The following DNTT variants were observed in gnomAD, a reference collection of about 807,000 sequenced individuals.
DNTT encodes nucleosidetriphosphate:DNA deoxynucleotidylexotransferase.
DNTT carries 47 observed loss-of-function variants against 60.9 expected under a neutral mutation model. The observed-to-expected ratio is 0.77, with a 90% CI of 0.61 to 0.98. The LOEUF is 0.98. Ranked by LOEUF, DNTT falls within the 50% of genes least tolerant of loss-of-function variation. The pLI is 0.00. For missense variants in DNTT, 665 were observed against 627.5 expected (o/e 1.06, Z -0.64); for synonymous variants, 224 against 221.2 (o/e 1.01, Z -0.11).
At chr10:96,322,776 T>A in intron 5 of DNTT, 48 bp downstream of exon 5, 1 of 1,466,194 alleles carries the variant, frequency 6.8e-7, no homozygotes. Flanking sequence ...TCAGTTAATC[T>A]TATTACTTAT....
intron 6 of DNTT, among the ~76,000 whole-genome samples, chr10:96,327,124 G>A (rs1377711567): frequency 2.0e-5 from 3 of 152,042 alleles, no homozygotes; most frequent in Non-Finnish European, 4.4e-5. Context: ...ATCTTTATGC[G>A]TTACCTTTTA....
rs747466867 is a variant in DNTT, at chr10:96,335,957, T to G, written c.1426T>G (p.Leu476Val). The G allele has an allele frequency of 3.7e-6, 6 of 1,614,044 alleles. 1 individual carries two copies. The highest frequency in any genetic ancestry group is 3.4e-6 in the Non-Finnish European group (4 of 1,180,016). Residue 476 changes from leucine to valine, a missense_variant, in exon 10 of 11, where the codon TTA (leucine) becomes GTA (valine). Leu to Val is a conservative substitution (Grantham distance 32). Coordinates refer to ENST00000371174, the MANE Select transcript of DNTT (RefSeq NM_004088.4). Reference protein sequence around the residue: ...ERKMILDNHALYDKTKRIFLK... With the variant: ...ERKMILDNHAVYDKTKRIFLK... The stretch of plus-strand genomic sequence containing the variant: ...GAAGATGATTCTGGATAACCATGCT[T>G]TATATGACAAGACCAAGGTACAGTT...
Position 96,307,726 on chromosome 10 carries a change from TATATATAA to T in DNTT, c.203+3027_203+3034del, listed in dbSNP as rs1275011348. 6.2e-4 allele frequency among the ~76,000 whole-genome samples: 88 copies of T among 142,440 alleles called. 1 individual carries two copies. The highest frequency in any genetic ancestry group is 8.9e-4 in the South Asian group (4 of 4,474). The allele number at this position is 142,440 out of a possible 152,430, so 93.4% of individuals were successfully genotyped here. A position where few individuals can be genotyped will look rare whatever the true frequency, so the allele number is the denominator to read the frequency against. ...GTGTGTATATATATATATATATATA[TATATATAA>T]GCATATATATGTGTGTGTGTGTGCA... On this transcript the variant is annotated intron_variant, in intron 1 of 10. Transcript: ENST00000371174.
Position 96,319,270 on chromosome 10 carries a change from A to C in DNTT, c.387A>C (p.Arg129Ser). 1 of 1,613,720 alleles carries C rather than the reference A, an allele frequency of 6.2e-7. No individual in the cohort carries two copies. Among genetic ancestry groups the C allele is most frequent in the African/African-American group, 1.3e-5 (1 of 75,010 alleles). Residue 129 changes from arginine to serine, a missense_variant, in exon 3 of 11, where the codon AGA becomes AGC. Transcript: ENST00000371174. The part of the protein sequence containing the change: ...MTGKHQLVVR[R>S]DYSDSTNPGP... Reference sequence around the variant, plus strand: ...CTTATGCATTTGTTTAGGTGAGAAGAGACTATTCAGATAGCACCAACCCAG... The same window carrying C: ...CTTATGCATTTGTTTAGGTGAGAAGCGACTATTCAGATAGCACCAACCCAG...
At chr10:96,318,265 A>G (rs1026307414) in intron 1 of DNTT, 87 bp from the exon 2 acceptor site, 1 of 1,473,994 alleles carries the variant, frequency 6.8e-7, no homozygotes, top group Non-Finnish European at 9.2e-7. Flanking sequence ...TCTCCATCAG[A>G]TGGAATGCTC....
In DNTT at chr10:96,332,566, C is replaced by T. The variant is rs377118613; in HGVS notation, c.1329C>T (p.Ala443=). 1.4e-5 allele frequency: 22 copies of T among 1,613,176 alleles called. No homozygotes were observed. The highest frequency in any genetic ancestry group is 2.7e-5 in the African/African-American group (2 of 74,628). The change falls in exon 9 of 11, where the codon GCC becomes GCT. Residue 443 remains alanine, a synonymous_variant. Coordinates refer to ENST00000371174, the MANE Select transcript of DNTT (RefSeq NM_004088.4). ...TTCTGTGCCCCTACGAGCGTCGTGC[C>T]TTTGCCCTGTTGGGATGGACTGGCT... ...DLVLCPYERR[A]FALLGWTGSR...
At chr10:96,337,738 G>A (rs1478963081) in intron 10 of DNTT, among the ~76,000 whole-genome samples, 3 of 152,176 alleles carry the variant, frequency 2.0e-5, no homozygotes, top group Non-Finnish European at 4.4e-5. Context: ...ATAACTGCAT[G>A]TTAGAATTAC....
intron 3 of DNTT, among the ~76,000 whole-genome samples, chr10:96,320,105 A>G (rs1419187932): frequency 6.6e-6 from 1 of 152,248 alleles, no homozygotes; most frequent in East Asian, 1.9e-4. Context: ...TGAGCATGAG[A>G]TCACACAGCT....
intron 6 of DNTT, among the ~76,000 whole-genome samples, chr10:96,326,357 A>G (rs1243486628): frequency 6.6e-6 from 1 of 152,250 alleles, no homozygotes; most frequent in African/African-American, 2.4e-5. Context: ...ATTGAAATAA[A>G]GAAAGTAGTG....
At chr10:96,336,085 C>T (rs1282274268) in intron 10 of DNTT, 111 bp downstream of exon 10, 14 of 1,045,954 alleles carry the variant, frequency 1.3e-5, no homozygotes, top group Middle Eastern at 2.0e-4. Context: ...CTTTGTCATG[C>T]GTGTTCTATT....
chr10:96,304,655 T>A lies in DNTT; in HGVS notation c.158T>A (p.Met53Lys), dbSNP rs772621574. 1.9e-6 allele frequency: 3 copies of A among 1,614,152 alleles called. No individual in the cohort carries two copies. Residue 53 changes from methionine to lysine, a missense_variant, in exon 1 of 11, where the codon ATG becomes AAG. Physicochemically the swap from Met to Lys is moderately conservative, Grantham distance 95. Coordinates refer to ENST00000371174, the MANE Select transcript of DNTT (RefSeq NM_004088.4). ...GGAACCACCCGCAGAGCGTTCCTCATGGAGCTGGCCCGCAGGAAAGGGTTC... is the reference window on the plus strand; with the variant it reads ...GGAACCACCCGCAGAGCGTTCCTCAAGGAGCTGGCCCGCAGGAAAGGGTTC... ...KMGTTRRAFL[M>K]ELARRKGFRV...
chr10:96,338,037 C>T, intron 10 of DNTT, 101 bp from the exon 11 acceptor site: 2 of 958,646 alleles, frequency 2.1e-6, no homozygotes, highest in Non-Finnish European at 3.1e-6. Context: ...GGCTGTAATT[C>T]ATTCTGACAA....
At chr10:96,325,127 A>C (rs1283574630) in intron 6 of DNTT, among the ~76,000 whole-genome samples, 1 of 152,206 alleles carries the variant, frequency 6.6e-6, no homozygotes, top group Non-Finnish European at 1.5e-5. Context: ...ATGGCAATAC[A>C]GTGTGAAAAA....
At chr10:96,307,315 T>C (rs1010775493) in intron 1 of DNTT, among the ~76,000 whole-genome samples, 3 of 150,192 alleles carry the variant, frequency 2.0e-5, no homozygotes, top group African/African-American at 7.3e-5. Flanking sequence ...GGAGAGATTA[T>C]GGCTGTTTTT....
intron 5 of DNTT, among the ~76,000 whole-genome samples, chr10:96,323,782 A>C (rs1844907645): frequency 6.6e-6 from 1 of 152,238 alleles, no homozygotes; most frequent in South Asian, 2.1e-4. Flanking sequence ...GAGCAGGAGC[A>C]CAGGCTTGGA....
intron 9 of DNTT, among the ~76,000 whole-genome samples, chr10:96,333,923 A>C (rs999932046): frequency 6.6e-6 from 1 of 152,220 alleles, no homozygotes; most frequent in Non-Finnish European, 1.5e-5. Flanking sequence ...TATGGTGACT[A>C]TAGTTAATAA....
At chr10:96,317,073 G>A (rs1018007307) in intron 1 of DNTT, among the ~76,000 whole-genome samples, 4 of 152,192 alleles carry the variant, frequency 2.6e-5, no homozygotes, top group Non-Finnish European at 5.9e-5. Flanking sequence ...GGTATGCTGT[G>A]TGCTCATGCT....
chr10:96,313,209 T>C (rs1256175286), intron 1 of DNTT, among the ~76,000 whole-genome samples: 1 of 152,048 alleles, frequency 6.6e-6, no homozygotes, highest in African/African-American at 2.4e-5. Flanking sequence ...TTCACTGATA[T>C]TTTGGAAATA....
intron 9 of DNTT, among the ~76,000 whole-genome samples, chr10:96,333,934 A>G (rs1173294101): frequency 6.6e-6 from 1 of 152,182 alleles, no homozygotes. Flanking sequence ...TAGTTAATAA[A>G]AGTGTATATT....
Sources: allele counts gnomAD v4.1 joint callset (sites outside exome capture counted in the v4.1 genomes callset), GRCh38; gene constraint gnomAD v4.1.1; transcripts MANE v1.5; gene names NCBI Gene and HGNC (gene_info 2026-07-23, HGNC 2026-07-21).